Variants in KAZN observed in about 807,000 individuals in gnomAD.
KAZN encodes kazrin, periplakin interacting protein, also known as kazrin.
Under a neutral mutation model 87.4 loss-of-function variants are expected in KAZN, and 40 were observed. The ratio of observed to expected loss-of-function variants is 0.46; its 90% confidence interval spans 0.36 to 0.60. KAZN has a LOEUF of 0.60. Ranked by LOEUF, KAZN falls within the 20% of genes least tolerant of loss-of-function variation. The pLI is 0.00. For missense variants in KAZN, 898 were observed against 1,073.9 expected, an observed-to-expected ratio of 0.84 and a Z score of 2.29; for synonymous variants, 466 against 458.3, an observed-to-expected ratio of 1.02 and a Z score of -0.22.
intron 1 of KAZN, among the ~76,000 whole-genome samples, chr1:13,941,585 C>T (rs1021275460): frequency 2.6e-5 from 4 of 152,182 alleles, no homozygotes; most frequent in African/African-American, 9.7e-5. Context: ...GAGGCATCCT[C>T]TCCTGGGGGT....
intron 2 of KAZN, among the ~76,000 whole-genome samples, chr1:15,019,778 G>A (rs887110920): frequency 2.0e-5 from 3 of 152,166 alleles, no homozygotes; most frequent in African/African-American, 7.2e-5. Flanking sequence ...GCAAGGTGTA[G>A]AATAATACCC....
At chr1:13,931,256 TA>T (rs1180185624) in intron 1 of KAZN, among the ~76,000 whole-genome samples, 1 of 152,224 alleles carries the variant, frequency 6.6e-6, no homozygotes, top group Non-Finnish European at 1.5e-5. Flanking sequence ...TACACAGCTG[TA>T]ATGGTCCAGG....
intron 1 of KAZN, among the ~76,000 whole-genome samples, chr1:14,010,679 G>A (rs746764634): frequency 1.3e-5 from 2 of 152,212 alleles, no homozygotes; most frequent in African/African-American, 2.4e-5. Context: ...TCCTCAGGAT[G>A]TTTTGAAAGG....
chr1:14,073,004 T>C (rs973214742), intron 1 of KAZN, among the ~76,000 whole-genome samples: 2 of 152,140 alleles, frequency 1.3e-5, no homozygotes, highest in African/African-American at 4.8e-5. Flanking sequence ...GTTCTGAATC[T>C]ATAAAAGTTA....
chr1:15,101,441 C>G lies in KAZN; in HGVS notation c.1548-102C>G, dbSNP rs1040867688. On this transcript the variant is annotated intron_variant, in intron 10 of 14. Transcript: ENST00000376030. ...GGCTCTCTTGGTCCTCCCCCAACCCCATTGCTTTTCCTCTCTCTGCATCTC... is the reference window on the plus strand; with the variant it reads ...GGCTCTCTTGGTCCTCCCCCAACCCGATTGCTTTTCCTCTCTCTGCATCTC... The G allele has an allele frequency of 5.3e-6, 4 of 754,844 alleles. No individual in the cohort carries two copies. The African/African-American group carries it at 6.9e-5, about 13-fold the overall frequency. 46.8% of individuals were successfully genotyped at this position (754,844 alleles called of 1,614,324 possible). A position where few individuals can be genotyped will look rare whatever the true frequency, so the allele number is the denominator to read the frequency against.
chr1:14,099,254 G>C (rs80283436), intron 1 of KAZN, among the ~76,000 whole-genome samples: 2 of 152,100 alleles, frequency 1.3e-5, no homozygotes, highest in Non-Finnish European at 2.9e-5. Context: ...GGGACAGGGT[G>C]GGGGAAGAAT....
intron 2 of KAZN, among the ~76,000 whole-genome samples, chr1:14,429,530 A>T (rs1269867635): frequency 6.6e-6 from 1 of 152,176 alleles, no homozygotes; most frequent in Non-Finnish European, 1.5e-5. Flanking sequence ...AGTGGCTTAG[A>T]TGGGATACAC....
chr1:14,876,482 A>G (rs1182498801), intron 1 of KAZN, among the ~76,000 whole-genome samples: 1 of 152,218 alleles, frequency 6.6e-6, no homozygotes, highest in Non-Finnish European at 1.5e-5. Flanking sequence ...GTTTAGGACC[A>G]TCACTCCTGT....
At chr1:14,966,095 T>G (rs1664431370) in intron 2 of KAZN, among the ~76,000 whole-genome samples, 1 of 150,754 alleles carries the variant, frequency 6.6e-6, no homozygotes, top group South Asian at 2.1e-4. Flanking sequence ...TTCTCGTGCC[T>G]CAGCCTCCCA....
intron 1 of KAZN, among the ~76,000 whole-genome samples, chr1:14,863,767 C>T (rs934905059): frequency 3.9e-5 from 6 of 151,924 alleles, no homozygotes; most frequent in Non-Finnish European, 7.4e-5. Context: ...TGAAGGTGCA[C>T]GGGGGATCAG....
intron 1 of KAZN, among the ~76,000 whole-genome samples, chr1:14,010,178 T>C (rs576016723): frequency 1.3e-5 from 2 of 152,312 alleles, no homozygotes; most frequent in African/African-American, 4.8e-5. Flanking sequence ...TTATCTTTGC[T>C]CCTGGTGCAC....
At chr1:14,939,797 G>T (rs1660850853) in intron 1 of KAZN, among the ~76,000 whole-genome samples, 2 of 152,214 alleles carry the variant, frequency 1.3e-5, no homozygotes, top group African/African-American at 4.8e-5. Flanking sequence ...AGTGATAACA[G>T]GAGGTCCCTG....
intron 2 of KAZN, among the ~76,000 whole-genome samples, chr1:14,227,326 G>T (rs974634675): frequency 1.3e-5 from 2 of 152,112 alleles, no homozygotes; most frequent in Non-Finnish European, 2.9e-5. Context: ...CAGTGAGAAT[G>T]GTTCTTCTCT....
At chr1:14,839,939 C>G (rs1309899936) in intron 1 of KAZN, among the ~76,000 whole-genome samples, 3 of 152,088 alleles carry the variant, frequency 2.0e-5, no homozygotes, top group Non-Finnish European at 2.9e-5. Flanking sequence ...GGAGGAAGAG[C>G]CAAATGGTCT....
intron 1 of KAZN, among the ~76,000 whole-genome samples, chr1:14,047,574 A>C (rs1192719613): frequency 1.3e-5 from 2 of 152,180 alleles, no homozygotes; most frequent in Admixed American, 6.5e-5. Flanking sequence ...GCTGCTTAGA[A>C]AGAAAAAGTT....
Position 13,906,454 on chromosome 1 carries a change from T to G in KAZN, c.91+12698T>G, listed in dbSNP as rs183493785. Among the ~76,000 whole-genome samples, 434 of 152,272 alleles carry G rather than the reference T, an allele frequency of 2.9e-3. 1 individual carries two copies. Among genetic ancestry groups the G allele is most frequent in the African/African-American group, 9.7e-3 (404 of 41,556 alleles). Reference sequence around the variant, plus strand: ...GGTGCTTATAGGTGTGAGGAAATGATGCTTCTAAAACCCTGTGGGGCAGAA... The same window carrying G: ...GGTGCTTATAGGTGTGAGGAAATGAGGCTTCTAAAACCCTGTGGGGCAGAA... On this transcript the variant is annotated intron_variant, in intron 1 of 16. Transcript: ENST00000636203.
intron 2 of KAZN, among the ~76,000 whole-genome samples, chr1:14,201,661 T>G (rs1646642694): frequency 1.3e-5 from 2 of 152,334 alleles, no homozygotes; most frequent in South Asian, 2.1e-4. Context: ...TCCCCTGCCT[T>G]GGTACATTGT....
At chr1:14,564,960 T>C (rs1674469490) in intron 2 of KAZN, among the ~76,000 whole-genome samples, 1 of 152,198 alleles carries the variant, frequency 6.6e-6, no homozygotes, top group Admixed American at 6.5e-5. Context: ...CTATCGACAG[T>C]ATTTTCTACA....
At chr1:14,558,995 G>A (rs1674088385) in intron 2 of KAZN, among the ~76,000 whole-genome samples, 1 of 151,984 alleles carries the variant, frequency 6.6e-6, no homozygotes. Flanking sequence ...CTTTGATCTT[G>A]CCCATGGCCC....
Sources: allele counts gnomAD v4.1 joint callset (sites outside exome capture counted in the v4.1 genomes callset), GRCh38; gene constraint gnomAD v4.1.1; transcripts MANE v1.5; gene names NCBI Gene and HGNC (gene_info 2026-07-23, HGNC 2026-07-21).